SYN3: variants seen among roughly 807,000 people sequenced by gnomAD.
The protein encoded by SYN3 is synapsin III.
In SYN3, 35 loss-of-function variants were observed where a neutral mutation model predicts 65.8. The observed-to-expected ratio is 0.53, with a 90% CI of 0.41 to 0.70. The LOEUF (loss-of-function observed/expected upper bound fraction) is 0.70, where lower values mean the gene tolerates loss of function less well. Ranked by LOEUF, SYN3 falls within the 30% of genes least tolerant of loss-of-function variation. The probability of loss-of-function intolerance (pLI) is 0.00; values close to 1 mark genes in which losing one functional copy is unlikely to be tolerated. For missense variants in SYN3, 680 were observed against 749.0 expected (o/e 0.91, Z 1.08); for synonymous variants, 270 against 292.9 (o/e 0.92, Z 0.80).
intron 2 of SYN3, among the ~76,000 whole-genome samples, chr22:32,994,715 C>T (rs994641702): frequency 2.6e-5 from 4 of 152,256 alleles, no homozygotes; most frequent in East Asian, 1.9e-4. Context: ...ACTGCCAGCC[C>T]GCCAGGATCT....
At chr22:32,632,207 G>A (rs2059756690) in intron 6 of SYN3, among the ~76,000 whole-genome samples, 1 of 152,244 alleles carries the variant, frequency 6.6e-6, no homozygotes, top group Non-Finnish European at 1.5e-5. Flanking sequence ...ACACTGCCAG[G>A]AGGGGTTGGT....
intron 6 of SYN3, among the ~76,000 whole-genome samples, chr22:32,653,125 T>G (rs932433983): frequency 2.0e-5 from 3 of 152,248 alleles, no homozygotes; most frequent in African/African-American, 7.2e-5. Flanking sequence ...CAGAATGACT[T>G]AATGATTTCC....
chr22:32,725,544 C>A (rs147279466), intron 6 of SYN3, among the ~76,000 whole-genome samples: 1 of 152,124 alleles, frequency 6.6e-6, no homozygotes, highest in Non-Finnish European at 1.5e-5. Flanking sequence ...TTGCATTCTA[C>A]GCGTGGGCTG....
At chr22:32,802,060 G>A (rs745604958) in intron 6 of SYN3, 1 of 1,576,466 alleles carries the variant, frequency 6.3e-7, no homozygotes, top group South Asian at 1.2e-5. Context: ...GGGGACTGGG[G>A]CGCCGAGGCG....
chr22:32,976,254 C>T (rs939374201), intron 3 of SYN3, among the ~76,000 whole-genome samples: 2 of 152,202 alleles, frequency 1.3e-5, no homozygotes, highest in Admixed American at 6.5e-5. Context: ...ATCCATGGGT[C>T]GTTCTGGCTT....
At chr22:32,780,449 T>A (rs1448243872) in intron 6 of SYN3, among the ~76,000 whole-genome samples, 2 of 152,162 alleles carry the variant, frequency 1.3e-5, no homozygotes, top group Non-Finnish European at 2.9e-5. Context: ...GGTTTCCTTT[T>A]CGCATCTCTG....
At chr22:32,780,934 T>TTCCTTCCTTCCTTCC (rs1477484298) in intron 6 of SYN3, among the ~76,000 whole-genome samples, 7 of 82,688 alleles carry the variant, frequency 8.5e-5, no homozygotes, top group African/African-American at 1.7e-4. Context: ...CCTTCCTTCC[T>TTCCTTCCTTCCTTCC]TTCCTTCCTT....
At chr22:32,941,421 C>T (rs576825550) in intron 3 of SYN3, among the ~76,000 whole-genome samples, 54 of 152,260 alleles carry the variant, frequency 3.5e-4, no homozygotes, top group Non-Finnish European at 6.0e-4. Context: ...TTATTTTTTG[C>T]GCATTTGTTG....
chr22:32,958,475 T>C lies in SYN3; in HGVS notation c.369+22170A>G, dbSNP rs1284945541. Among the ~76,000 whole-genome samples the C allele has an allele frequency of 2.0e-5, 3 of 152,224 alleles. No individual in the cohort carries two copies. The East Asian group carries it at 5.8e-4, about 29-fold the overall frequency. ...GGAGAGGTAGAAACAAAAATGGTGA[T>C]ACTAGTAGTAATAGCACTAGATGTG... On this transcript the variant is annotated intron_variant, in intron 3 of 13. Transcript: ENST00000358763.
chr22:32,742,557 A>C (rs1328695118), intron 6 of SYN3, among the ~76,000 whole-genome samples: 1 of 152,204 alleles, frequency 6.6e-6, no homozygotes, highest in Admixed American at 6.5e-5. Flanking sequence ...AGTCTCTGCC[A>C]GGCACAGACA....
intron 1 of SYN3, among the ~76,000 whole-genome samples, chr22:33,012,292 A>G (rs892765462): frequency 1.3e-5 from 2 of 152,090 alleles, no homozygotes; most frequent in African/African-American, 4.8e-5. Context: ...CATGCATTTA[A>G]TTTTCAAATT....
chr22:32,662,804 A>T (rs1250934623), intron 6 of SYN3, among the ~76,000 whole-genome samples: 1 of 152,218 alleles, frequency 6.6e-6, no homozygotes, highest in Admixed American at 6.5e-5. Context: ...TACTGACCAC[A>T]TATGTGTTCC....
At chr22:32,930,054 G>A (rs1315075120) in intron 4 of SYN3, among the ~76,000 whole-genome samples, 1 of 152,154 alleles carries the variant, frequency 6.6e-6, no homozygotes, top group Non-Finnish European at 1.5e-5. Flanking sequence ...CTGGAAATAG[G>A]AAGCCAAATG....
intron 6 of SYN3, among the ~76,000 whole-genome samples, chr22:32,612,811 C>T (rs903534896): frequency 3.3e-5 from 5 of 151,994 alleles, no homozygotes; most frequent in African/African-American, 1.2e-4. Context: ...TGAACTCCAG[C>T]CTGGGTGACA....
At chr22:32,822,727 A>G (rs1219382543) in intron 6 of SYN3, among the ~76,000 whole-genome samples, 1 of 152,240 alleles carries the variant, frequency 6.6e-6, no homozygotes, top group Non-Finnish European at 1.5e-5. Context: ...TATTAAAATC[A>G]GAAGTCAAAG....
At chr22:32,987,176 G>T (rs752231675) in intron 2 of SYN3, among the ~76,000 whole-genome samples, 1 of 152,026 alleles carries the variant, frequency 6.6e-6, no homozygotes, top group Non-Finnish European at 1.5e-5. Context: ...CTGTCTCTCC[G>T]CAGGCCACCC....
chr22:32,650,720 C>A (rs1277653109), intron 6 of SYN3, among the ~76,000 whole-genome samples: 1 of 152,168 alleles, frequency 6.6e-6, no homozygotes, highest in Non-Finnish European at 1.5e-5. Context: ...AGGGTTGGAA[C>A]TCTAATTTGA....
At chr22:33,050,482 A>C (rs1234186579) in intron 1 of SYN3, among the ~76,000 whole-genome samples, 1 of 75,622 alleles carries the variant, frequency 1.3e-5, no homozygotes, top group Non-Finnish European at 3.3e-5. Context: ...ACTGTTTCAA[A>C]AAAAAAAAAA....
At chr22:32,786,864 G>A (rs915429146) in intron 6 of SYN3, among the ~76,000 whole-genome samples, 1 of 151,970 alleles carries the variant, frequency 6.6e-6, no homozygotes, top group Non-Finnish European at 1.5e-5. Flanking sequence ...AAGGGCACAG[G>A]TCCTGCTTGG....
Sources: gnomAD v4.1 joint callset for allele counts (sites outside exome capture counted in the v4.1 genomes callset) on GRCh38, gnomAD v4.1.1 for gene constraint, MANE v1.5 for transcripts, NCBI Gene and HGNC (gene_info 2026-07-23, HGNC 2026-07-21) for gene names.